VGLL4: variants seen among roughly 807,000 people sequenced by gnomAD.
The protein encoded by VGLL4 is transcription cofactor vestigial-like protein 4.
Under a neutral mutation model 21.0 loss-of-function variants are expected in VGLL4, and 7 were observed. That is an observed-to-expected ratio of 0.33 (90% confidence interval 0.19 to 0.63). VGLL4 has a LOEUF of 0.63. Among genes scored for constraint, VGLL4 ranks in the 20% least tolerant of loss-of-function variants. The pLI is 0.78. For missense variants in VGLL4, 394 were observed against 425.7 expected (o/e 0.93, Z 0.66); for synonymous variants, 222 against 173.2 (o/e 1.28, Z -2.21).
At position 11,558,584 on chromosome 3, in the gene VGLL4, T is replaced by C. The variant is rs2072655787; in HGVS notation, c.863A>G (p.His288Arg). 6.2e-7 allele frequency: 1 copy of C among 1,603,804 alleles called. No individual in the cohort carries two copies. Among genetic ancestry groups the C allele is most frequent in the African/African-American group, 1.3e-5 (1 of 74,854 alleles). The change falls in exon 5 of 5, where the codon CAC (histidine) becomes CGC (arginine). Residue 288 changes from histidine to arginine, a missense_variant. Coordinates refer to ENST00000430365, the MANE Select transcript of VGLL4 (RefSeq NM_001128219.3). ...GGAGACCACAGAGGGGGAGTGACTG[T>C]GGCTGACCATGTGGGCAGAGGGGCT... Reference protein sequence around the residue: ...PASPSAHMVSHSHSPSVVS With the variant: ...PASPSAHMVSRSHSPSVVS
intron 2 of VGLL4, among the ~76,000 whole-genome samples, chr3:11,668,516 C>A (rs2076159367): frequency 6.6e-6 from 1 of 152,152 alleles, no homozygotes; most frequent in African/African-American, 2.4e-5. Context: ...GCCCAGGAAT[C>A]TTAATTTAAC....
intron 1 of VGLL4, among the ~76,000 whole-genome samples, chr3:11,704,399 AAAAAAAG>A (rs2076729784): frequency 1.4e-5 from 2 of 147,908 alleles, no homozygotes. Flanking sequence ...AAAAAAAAAA[AAAAAAAG>A]AAAAAAAGAA....
chr3:11,643,923 A>G, upstream of VGLL4: 1 of 1,006,240 alleles, frequency 9.9e-7, no homozygotes, highest in Non-Finnish European at 1.2e-6. Context: ...TATGCTTGGC[A>G]TGACTCCTAT....
At chr3:11,651,299 T>C (rs1346405223) in intron 2 of VGLL4, among the ~76,000 whole-genome samples, 2 of 146,846 alleles carry the variant, frequency 1.4e-5, no homozygotes, top group East Asian at 2.0e-4. Flanking sequence ...GCCAAGATTG[T>C]ACCATTGCAC....
chr3:11,616,760 GGAC>G (rs1216884649), intron 1 of VGLL4, among the ~76,000 whole-genome samples: 2 of 152,252 alleles, frequency 1.3e-5, no homozygotes, highest in East Asian at 3.8e-4. Context: ...GATGTTTGTA[GGAC>G]TACTCCAGGA....
Position 11,573,293 on chromosome 3 carries a change from A to G in VGLL4, c.273-8274T>C, listed in dbSNP as rs58412168. On this transcript the variant is annotated intron_variant, in intron 2 of 4. Transcript: ENST00000430365. Reference sequence around the variant, plus strand: ...AAAGAAAGAAAGAAAGAAAGAAAGAAAGAAAGAAAGAAAGGAAGGAAGGAA... The same window carrying G: ...AAAGAAAGAAAGAAAGAAAGAAAGAGAGAAAGAAAGAAAGGAAGGAAGGAA... 1.6e-4 allele frequency among the ~76,000 whole-genome samples: 2 copies of G among 12,176 alleles called. 1 individual carries two copies. Among genetic ancestry groups the G allele is most frequent in the East Asian group, 4.6e-3 (2 of 432 alleles). The allele number at this position is 12,176 out of a possible 152,430, so 8.0% of individuals were successfully genotyped here.
intron 2 of VGLL4, chr3:11,582,484 T>C: frequency 9.9e-7 from 1 of 1,008,970 alleles, no homozygotes; most frequent in Non-Finnish European, 1.4e-6. Flanking sequence ...AAAAGTTTCC[T>C]ATGGGTCCTG....
chr3:11,609,708 A>G (rs2075019305), intron 1 of VGLL4, among the ~76,000 whole-genome samples: 1 of 152,198 alleles, frequency 6.6e-6, no homozygotes, highest in Admixed American at 6.5e-5. Context: ...GCCCCTCACC[A>G]ACTGTGCAGG....
At chr3:11,658,885 GTTT>G (rs1363607190) in intron 2 of VGLL4, among the ~76,000 whole-genome samples, 1 of 152,128 alleles carries the variant, frequency 6.6e-6, no homozygotes. Context: ...ATCTAGAATT[GTTT>G]TTATTGAGAG....
chr3:11,670,721 T>C (rs1244399377), intron 2 of VGLL4, among the ~76,000 whole-genome samples: 1 of 152,162 alleles, frequency 6.6e-6, no homozygotes, highest in East Asian at 1.9e-4. Flanking sequence ...GCCTGGATAT[T>C]AATGGGCACC....
chr3:11,635,910 T>C (rs1476717383), intron 1 of VGLL4, among the ~76,000 whole-genome samples: 1 of 152,232 alleles, frequency 6.6e-6, no homozygotes, highest in East Asian at 1.9e-4. Flanking sequence ...GTGGGTGATT[T>C]TAAGCATTAG....
rs538401058 is a variant in VGLL4, at chr3:11,681,121, G to A, written c.64+21850C>T. Among the ~76,000 whole-genome samples the A allele has an allele frequency of 5.9e-5, 9 of 152,128 alleles. No homozygotes were observed. In the East Asian group the frequency reaches 9.7e-4, roughly 16 times the overall value. On this transcript the variant is annotated intron_variant, in intron 2 of 5. Coordinates refer to the VGLL4 transcript ENST00000273038. Reference sequence around the variant, plus strand: ...TGTTTGTTTTGTTTTGTTTTGAGACGGAGTCTCGCTCTGCCGCCCAGGCTG... The same window carrying A: ...TGTTTGTTTTGTTTTGTTTTGAGACAGAGTCTCGCTCTGCCGCCCAGGCTG...
intron 2 of VGLL4, among the ~76,000 whole-genome samples, chr3:11,700,650 G>A (rs531915167): frequency 3.3e-5 from 5 of 152,148 alleles, no homozygotes; most frequent in Non-Finnish European, 7.4e-5. Flanking sequence ...CACATTTTAG[G>A]AGGGGCACTG....
At chr3:11,687,035 C>CAA (rs3079796) in intron 2 of VGLL4, among the ~76,000 whole-genome samples, 121,111 of 151,924 alleles carry the variant, frequency 0.8, 48,409 homozygotes, top group Admixed American at 0.85. Flanking sequence ...ATTTGTAGCT[C>CAA]AAAGTTTAAG....
chr3:11,607,379 G>A (rs1350484684), intron 1 of VGLL4: 2 of 152,182 alleles, frequency 1.3e-5, no homozygotes, highest in African/African-American at 4.8e-5. Context: ...TCAGAAGAGG[G>A]AGGCTCACAG....
intron 1 of VGLL4, among the ~76,000 whole-genome samples, chr3:11,717,163 A>G (rs1384160502): frequency 6.7e-6 from 1 of 150,138 alleles, no homozygotes; most frequent in Non-Finnish European, 1.5e-5. Flanking sequence ...ACATGTTTTT[A>G]TATATTTTTG....
chr3:11,591,561 C>T (rs1294805725), intron 2 of VGLL4, among the ~76,000 whole-genome samples: 1 of 152,244 alleles, frequency 6.6e-6, no homozygotes, highest in Non-Finnish European at 1.5e-5. Flanking sequence ...CTCTTAAGAG[C>T]ACAGCTCCCT....
chr3:11,630,797 C>A (rs78732292), intron 1 of VGLL4, among the ~76,000 whole-genome samples: 3,539 of 152,248 alleles, frequency 0.023, 133 homozygotes, highest in African/African-American at 0.082. Flanking sequence ...GGCAATTCTA[C>A]TAAGTATTTA....
At chr3:11,657,463 A>C (rs1296366048) in intron 2 of VGLL4, among the ~76,000 whole-genome samples, 1 of 152,234 alleles carries the variant, frequency 6.6e-6, no homozygotes, top group Admixed American at 6.5e-5. Context: ...GGGCATGAAG[A>C]ATACTGTTTG....
Sources: allele counts gnomAD v4.1 joint callset (sites outside exome capture counted in the v4.1 genomes callset), GRCh38; gene constraint gnomAD v4.1.1; transcripts MANE v1.5; gene names NCBI Gene and HGNC (gene_info 2026-07-23, HGNC 2026-07-21).